COG3: variants seen among roughly 807,000 people sequenced by gnomAD.
COG3 encodes component of oligomeric golgi complex 3, also known as conserved oligomeric Golgi complex subunit 3.
COG3 carries 32 observed loss-of-function variants against 114.1 expected under a neutral mutation model. The observed-to-expected ratio is 0.28, with a 90% CI of 0.21 to 0.38. The LOEUF (loss-of-function observed/expected upper bound fraction) is 0.38, where lower values mean the gene tolerates loss of function less well. Among genes scored for constraint, COG3 ranks in the 10% least tolerant of loss-of-function variants. The pLI, the probability that COG3 is intolerant of heterozygous loss-of-function variation, is 1.00. For synonymous variants in COG3, 352 were observed against 365.7 expected (o/e 0.96, Z 0.43); for missense variants, 813 against 973.2 (o/e 0.84, Z 2.19).
intron 1 of COG3, among the ~76,000 whole-genome samples, chr13:45,471,494 T>C (rs1397063788): frequency 6.6e-6 from 1 of 152,230 alleles, no homozygotes; most frequent in Non-Finnish European, 1.5e-5. Context: ...CATTTTACTT[T>C]TACATATGTT....
chr13:45,486,291 G>A (rs554194855), intron 7 of COG3, among the ~76,000 whole-genome samples: 3 of 76,996 alleles, frequency 3.9e-5, no homozygotes, highest in East Asian at 3.5e-4. Flanking sequence ...GGAGACCATC[G>A]GGAGACGGGA....
intron 1 of COG3, among the ~76,000 whole-genome samples, chr13:45,471,709 T>G (rs1188402569): frequency 1.3e-5 from 2 of 149,932 alleles, no homozygotes; most frequent in African/African-American, 5.0e-5. Context: ...CTGCTGGTAA[T>G]GAATTCTCTC....
At chr13:45,474,267 C>T (rs758148774) in intron 1 of COG3, among the ~76,000 whole-genome samples, 1 of 148,970 alleles carries the variant, frequency 6.7e-6, no homozygotes, top group Non-Finnish European at 1.5e-5. Flanking sequence ...ATGCCATTCT[C>T]CTGCCTCAGC....
intron 6 of COG3, among the ~76,000 whole-genome samples, chr13:45,482,933 A>G (rs535193814): frequency 1.3e-5 from 2 of 152,176 alleles, no homozygotes; most frequent in East Asian, 1.9e-4. Flanking sequence ...CCTAACTCCT[A>G]TTCTTTTCCT....
Position 45,482,557 on chromosome 13 carries a change from C to T in COG3, c.717+84C>T, listed in dbSNP as rs919974833. ...TATCTTTTTGTGTTTTTCAACTTTT[C>T]TGTGTTTAGCAGATGTTCCTATTAT... On this transcript the variant is annotated intron_variant, in intron 6 of 22. Transcript: ENST00000349995. 3 of 639,014 alleles carry T rather than the reference C, an allele frequency of 4.7e-6. No individual in the cohort carries two copies. The Admixed American group carries it at 9.4e-5, about 20-fold the overall frequency. 39.6% of individuals were successfully genotyped at this position (639,014 alleles called of 1,614,324 possible).
intron 8 of COG3, among the ~76,000 whole-genome samples, chr13:45,489,452 G>A (rs1265476274): frequency 6.6e-6 from 1 of 151,914 alleles, no homozygotes; most frequent in African/African-American, 2.4e-5. Context: ...TTGCTTATTA[G>A]CCAAATACTA....
rs374042122 is a variant in COG3, at chr13:45,531,182, C to T, written c.2457+402C>T. ...GGGGTACAGGTGGTATTTGGCTACA[C>T]GAGTAAGTTCTTCAGTGGTGATTTG... On this transcript the variant is annotated intron_variant, in intron 22 of 22. Transcript: ENST00000349995. 40 of 469,592 alleles carry T rather than the reference C, an allele frequency of 8.5e-5. No individual in the cohort carries two copies. In the East Asian group the frequency reaches 3.8e-3, roughly 44 times the overall value. 29.1% of individuals were successfully genotyped at this position (469,592 alleles called of 1,614,324 possible). A position where few individuals can be genotyped will look rare whatever the true frequency, so the allele number is the denominator to read the frequency against.
chr13:45,503,561 A>G (rs1007944945), intron 14 of COG3, among the ~76,000 whole-genome samples: 1 of 152,166 alleles, frequency 6.6e-6, no homozygotes, highest in Non-Finnish European at 1.5e-5. Flanking sequence ...GATGAGGGGC[A>G]TGGAAATTGC....
At chr13:45,471,245 A>G (rs1885458409) in intron 1 of COG3, among the ~76,000 whole-genome samples, 1 of 151,916 alleles carries the variant, frequency 6.6e-6, no homozygotes, top group Non-Finnish European at 1.5e-5. Flanking sequence ...CTCTACAGAA[A>G]AAAAAAAGAA....
chr13:45,480,042 G>A (rs1886150795), intron 3 of COG3, 83 bp from the exon 4 acceptor site: 2 of 1,261,448 alleles, frequency 1.6e-6, no homozygotes, highest in Non-Finnish European at 2.2e-6. Context: ...AACATTTTGG[G>A]AAAAATGAGC....
At chr13:45,467,811 T>C (rs1208325526) in intron 1 of COG3, among the ~76,000 whole-genome samples, 1 of 152,208 alleles carries the variant, frequency 6.6e-6, no homozygotes, top group African/African-American at 2.4e-5. Context: ...GTCCAATCAG[T>C]ATAACTCAAG....
intron 1 of COG3, among the ~76,000 whole-genome samples, chr13:45,467,418 A>C (rs751472952): frequency 6.6e-6 from 1 of 152,154 alleles, no homozygotes; most frequent in Non-Finnish European, 1.5e-5. Flanking sequence ...ATGGCGAAAC[A>C]CCATCTCTAC....
chr13:45,487,287 A>G (rs1387187036), intron 8 of COG3, among the ~76,000 whole-genome samples: 1 of 152,222 alleles, frequency 6.6e-6, no homozygotes, highest in Non-Finnish European at 1.5e-5. Context: ...CTATAAAACT[A>G]CTAGAAGAAA....
Position 45,514,792 on chromosome 13 carries a change from C to T in COG3, c.1810-1351C>T, listed in dbSNP as rs544119170. On this transcript the variant is annotated intron_variant, in intron 16 of 22. Transcript: ENST00000349995. Reference sequence around the variant, plus strand: ...CCTCCCTAATAGCTGGGACTACAGGCGCCCACCACCATGCCCGGCTAATTT... The same window carrying T: ...CCTCCCTAATAGCTGGGACTACAGGTGCCCACCACCATGCCCGGCTAATTT... Among the ~76,000 whole-genome samples the T allele has an allele frequency of 5.9e-5, 9 of 152,094 alleles. No homozygotes were observed. In the South Asian group the frequency reaches 8.3e-4, roughly 14 times the overall value.
At position 45,490,967 on chromosome 13, in the gene COG3, C is replaced by A; in HGVS notation, c.968+9C>A. On this transcript the variant is annotated intron_variant, in intron 9 of 22. Transcript: ENST00000349995. The stretch of plus-strand genomic sequence containing the variant: ...TCTGAAAAAATACCTGAGTGAGTAC[C>A]TAGAAGTTAATCTGATTTCCACATG... 6.4e-7 allele frequency: 1 copy of A among 1,566,644 alleles called. No individual in the cohort carries two copies. The highest frequency in any genetic ancestry group is 8.8e-7 in the Non-Finnish European group (1 of 1,140,796).
At chr13:45,527,782 G>T (rs1197613110) in intron 20 of COG3, among the ~76,000 whole-genome samples, 2 of 152,186 alleles carry the variant, frequency 1.3e-5, no homozygotes, top group Non-Finnish European at 2.9e-5. Context: ...TCCCTGAGGT[G>T]TGTTAGTAAT....
intron 9 of COG3, 74 bp from the exon 10 acceptor site, chr13:45,491,338 T>A: frequency 6.6e-7 from 1 of 1,504,990 alleles, no homozygotes; most frequent in South Asian, 1.3e-5. Context: ...TTTGGCAACC[T>A]ACACTGGGAT....
At position 45,486,655 on chromosome 13, in the gene COG3, C is replaced by G. The variant is rs1206441447; in HGVS notation, c.924+80C>G. The G allele has an allele frequency of 3.6e-6, 3 of 843,926 alleles. No individual in the cohort carries two copies. The Admixed American group carries it at 5.2e-5, about 15-fold the overall frequency. 52.3% of individuals were successfully genotyped at this position (843,926 alleles called of 1,614,324 possible). ...TTGAAGTACTGTTGTATGTTAGGCT[C>G]TTTGTTTATACCGAGGAAGTGAACT... is the stretch of plus-strand genomic sequence containing the variant. On this transcript the variant is annotated intron_variant, in intron 8 of 22. Transcript: ENST00000349995.
chr13:45,534,360 C>G (rs867937442), intron 22 of COG3, among the ~76,000 whole-genome samples: 7 of 152,180 alleles, frequency 4.6e-5, no homozygotes, highest in South Asian at 2.1e-4. Context: ...CTGACAGGGC[C>G]TCCCAATGCC....
Sources: gnomAD v4.1 joint callset for allele counts (sites outside exome capture counted in the v4.1 genomes callset) on GRCh38, gnomAD v4.1.1 for gene constraint, MANE v1.5 for transcripts, NCBI Gene and HGNC (gene_info 2026-07-23, HGNC 2026-07-21) for gene names.